ERBB4: variants seen among roughly 807,000 people sequenced by gnomAD.
ERBB4 encodes erb-b2 receptor tyrosine kinase 4, also known as receptor tyrosine-protein kinase erbB-4.
A neutral mutation model predicts 158.0 loss-of-function variants in ERBB4; 42 were observed. That is an observed-to-expected ratio of 0.27 (90% confidence interval 0.21 to 0.34). ERBB4 has a LOEUF of 0.34. Among genes scored for constraint, ERBB4 ranks in the 10% least tolerant of loss-of-function variants. The probability of loss-of-function intolerance (pLI) is 1.00; values close to 1 mark genes in which losing one functional copy is unlikely to be tolerated. For synonymous variants in ERBB4, 583 were observed against 558.7 expected (o/e 1.04, Z -0.61); for missense variants, 1,333 against 1,624.1 (o/e 0.82, Z 3.08).
intron 2 of ERBB4, among the ~76,000 whole-genome samples, chr2:211,995,749 A>G (rs2082186723): frequency 6.6e-6 from 1 of 152,016 alleles, no homozygotes. Context: ...CTCCTTACAC[A>G]CCCAGTTCCT....
chr2:212,387,234 C>A (rs140948913), intron 1 of ERBB4, among the ~76,000 whole-genome samples: 1 of 151,976 alleles, frequency 6.6e-6, no homozygotes, highest in Non-Finnish European at 1.5e-5. Context: ...GGATACAAAG[C>A]GAACTATAAA....
intron 2 of ERBB4, among the ~76,000 whole-genome samples, chr2:212,010,194 C>T (rs1032116513): frequency 2.0e-5 from 3 of 152,038 alleles, no homozygotes; most frequent in African/African-American, 7.2e-5. Flanking sequence ...AGCTATATAA[C>T]CCTCTGCCTC....
rs1307266499 is a variant in ERBB4 at position 211,484,332 on chromosome 2, A to C, written c.2488-53232T>G. Among the ~76,000 whole-genome samples the C allele has an allele frequency of 2.0e-5, 3 of 152,188 alleles. No individual in the cohort carries two copies. The East Asian group carries it at 5.8e-4, about 29-fold the overall frequency. On this transcript the variant is annotated intron_variant, in intron 20 of 27. Transcript: ENST00000342788. ...AATGATCACATTAAATGGTCTAAACACTGGAAAACAAATAGCAAGATGGTA... is the reference window on the plus strand; with the variant it reads ...AATGATCACATTAAATGGTCTAAACCCTGGAAAACAAATAGCAAGATGGTA...
chr2:212,228,803 G>T (rs866002231), intron 1 of ERBB4, among the ~76,000 whole-genome samples: 1 of 152,288 alleles, frequency 6.6e-6, no homozygotes, highest in East Asian at 1.9e-4. Context: ...ATATGCAATG[G>T]CAAACTGCCA....
intron 25 of ERBB4, among the ~76,000 whole-genome samples, chr2:211,392,811 G>A (rs2062831248): frequency 1.3e-5 from 2 of 151,990 alleles, no homozygotes; most frequent in African/African-American, 4.8e-5. Flanking sequence ...GGGATTGCAG[G>A]TGCCCACCAC....
In ERBB4 at chr2:212,156,079, C is replaced by A. The variant is rs2081027511; in HGVS notation, c.83-31176G>T. ...TCTGTGACACACACAAAGTCAAGAACCCCTGTCTCAGCTCTCCTGGGTCTT... is the reference window on the plus strand; with the variant it reads ...TCTGTGACACACACAAAGTCAAGAAACCCTGTCTCAGCTCTCCTGGGTCTT... On this transcript the variant is annotated intron_variant, in intron 1 of 27. Transcript: ENST00000342788. Among the ~76,000 whole-genome samples the A allele has an allele frequency of 3.3e-5, 5 of 152,054 alleles. No homozygotes were observed. The South Asian group carries it at 6.2e-4, about 19-fold the overall frequency.
chr2:211,852,528 A>G (rs2077743153), intron 3 of ERBB4, among the ~76,000 whole-genome samples: 1 of 151,954 alleles, frequency 6.6e-6, no homozygotes, highest in African/African-American at 2.4e-5. Context: ...AATGACATAC[A>G]GCAGGTCCTC....
At chr2:211,415,116 T>C (rs1414989904) in intron 25 of ERBB4, among the ~76,000 whole-genome samples, 1 of 117,072 alleles carries the variant, frequency 8.5e-6, no homozygotes, top group African/African-American at 3.2e-5. Flanking sequence ...TCTTTTTTTT[T>C]TTTTTTTTTT....
chr2:211,457,423 G>A (rs1005385827), intron 20 of ERBB4, among the ~76,000 whole-genome samples: 17 of 152,188 alleles, frequency 1.1e-4, no homozygotes, highest in Non-Finnish European at 1.8e-4. Flanking sequence ...TGTAGTGACA[G>A]GCAGAAAGAA....
intron 2 of ERBB4, among the ~76,000 whole-genome samples, chr2:212,093,091 T>C (rs2371436): frequency 0.14 from 21,813 of 152,194 alleles, 1,914 homozygotes; most frequent in Non-Finnish European, 0.2. Context: ...TCCTCTCTTT[T>C]ACATGGAAAA....
At chr2:211,904,963 C>T (rs908643491) in intron 3 of ERBB4, among the ~76,000 whole-genome samples, 1 of 152,150 alleles carries the variant, frequency 6.6e-6, no homozygotes, top group Non-Finnish European at 1.5e-5. Flanking sequence ...AAATGGCTCA[C>T]ATAGCTGAGA....
At chr2:211,985,361 C>A (rs920632100) in intron 2 of ERBB4, among the ~76,000 whole-genome samples, 1 of 152,066 alleles carries the variant, frequency 6.6e-6, no homozygotes, top group Non-Finnish European at 1.5e-5. Context: ...AATTTACTAT[C>A]GAATCATTAG....
At chr2:211,549,344 C>T (rs2125698297) in intron 20 of ERBB4, among the ~76,000 whole-genome samples, 1 of 152,020 alleles carries the variant, frequency 6.6e-6, no homozygotes, top group East Asian at 1.9e-4. Flanking sequence ...TTCTTTAAGA[C>T]TGAAAGGGAA....
intron 1 of ERBB4, among the ~76,000 whole-genome samples, chr2:212,487,058 T>C (rs75673475): frequency 0.032 from 4,927 of 152,206 alleles, 275 homozygotes; most frequent in African/African-American, 0.11. Flanking sequence ...AAATATCTCT[T>C]AAGCATTTTT....
intron 15 of ERBB4, among the ~76,000 whole-genome samples, chr2:211,660,518 G>T (rs540531627): frequency 2.0e-5 from 3 of 152,144 alleles, no homozygotes; most frequent in Admixed American, 1.3e-4. Flanking sequence ...AGATGAATAT[G>T]TTTCTTCCTG....
intron 1 of ERBB4, among the ~76,000 whole-genome samples, chr2:212,185,651 C>A (rs985247408): frequency 2.0e-5 from 3 of 151,812 alleles, no homozygotes; most frequent in Non-Finnish European, 4.4e-5. Context: ...AATATAGGAC[C>A]ATTCTAGGGA....
At chr2:212,420,589 T>C (rs2091769856) in intron 1 of ERBB4, among the ~76,000 whole-genome samples, 1 of 152,114 alleles carries the variant, frequency 6.6e-6, no homozygotes, top group Non-Finnish European at 1.5e-5. Context: ...CTTTTGTCTT[T>C]TCAGAAAAGG....
intron 2 of ERBB4, among the ~76,000 whole-genome samples, chr2:212,062,217 G>C (rs2077794525): frequency 6.6e-6 from 1 of 152,062 alleles, no homozygotes; most frequent in East Asian, 1.9e-4. Flanking sequence ...TTTCACAAAA[G>C]TCTACATGTA....
chr2:212,136,801 G>A (rs1244039674), intron 1 of ERBB4, among the ~76,000 whole-genome samples: 1 of 152,134 alleles, frequency 6.6e-6, no homozygotes, highest in East Asian at 1.9e-4. Flanking sequence ...CTTGGGGTGA[G>A]AAGAAGGGGT....
Sources: allele counts gnomAD v4.1 joint callset (sites outside exome capture counted in the v4.1 genomes callset), GRCh38; gene constraint gnomAD v4.1.1; transcripts MANE v1.5; gene names NCBI Gene and HGNC (gene_info 2026-07-23, HGNC 2026-07-21).